Variants in UBA6 observed in about 807,000 individuals in gnomAD.
UBA6 encodes the protein ubiquitin like modifier activating enzyme 6.
Under a neutral mutation model 148.3 loss-of-function variants are expected in UBA6, and 87 were observed. The observed-to-expected ratio is 0.59, with a 90% confidence interval of 0.49 to 0.70. The LOEUF (loss-of-function observed/expected upper bound fraction) is 0.70. Ranked by LOEUF, UBA6 falls within the 30% of genes least tolerant of loss-of-function variation. UBA6 has a pLI of 0.00. For missense variants in UBA6, 1,186 were observed against 1,241.2 expected (o/e 0.96, Z 0.67); for synonymous variants, 376 against 401.0 (o/e 0.94, Z 0.75).
chr4:67,660,734 A>G (rs1174548688), intron 13 of UBA6, among the ~76,000 whole-genome samples: 3 of 152,204 alleles, frequency 2.0e-5, no homozygotes, highest in Admixed American at 6.5e-5. Flanking sequence ...AGAGTGCCAC[A>G]GTCCTCCAGA....
chr4:67,640,749 C>T (rs138056736), intron 18 of UBA6, among the ~76,000 whole-genome samples: 10 of 152,144 alleles, frequency 6.6e-5, no homozygotes, highest in East Asian at 1.9e-4. Context: ...GTTGGTCAAA[C>T]GATCAAAAGA....
Position 67,616,130 on chromosome 4 carries a change from T to G in UBA6, c.*2867A>C. Reference sequence around the variant, plus strand: ...TGAACACATATTATCAATGGATACTTAACTCTGATCCTCAAGAGCTCAACT... The same window carrying G: ...TGAACACATATTATCAATGGATACTGAACTCTGATCCTCAAGAGCTCAACT... On this transcript the variant is annotated 3_prime_UTR_variant, in exon 33 of 33. Coordinates refer to ENST00000322244, the MANE Select transcript of UBA6 (RefSeq NM_018227.6). 1 of 396,764 alleles carries G rather than the reference T, an allele frequency of 2.5e-6. No individual in the cohort carries two copies. The highest frequency in any genetic ancestry group is 2.1e-5 in the African/African-American group (1 of 48,602). 24.6% of individuals were successfully genotyped at this position (396,764 alleles called of 1,614,324 possible). A position where few individuals can be genotyped will look rare whatever the true frequency, so the allele number is the denominator to read the frequency against.
Position 67,645,968 on chromosome 4 carries a change from A to AC in UBA6, c.1364dup (p.Cys455TrpfsTer20). Reference sequence around the variant, plus strand: ...AGATGTTTAAATTTTGCAGTTTCTGACACAAAGTGTCTCCAATGCAAGCTC... The same window carrying AC: ...AGATGTTTAAATTTTGCAGTTTCTGACCACAAAGTGTCTCCAATGCAAGCTC... On this transcript the variant is annotated frameshift_variant, in exon 16 of 33. Transcript: ENST00000322244. LOFTEE classifies it high-confidence loss of function. 1 of 1,600,716 alleles carries AC rather than the reference A, an allele frequency of 6.2e-7. No homozygotes were observed. The highest frequency in any genetic ancestry group is 8.5e-7 in the Non-Finnish European group (1 of 1,172,498).
intron 13 of UBA6, among the ~76,000 whole-genome samples, chr4:67,660,386 C>T (rs370792218): frequency 7.2e-5 from 11 of 152,150 alleles, no homozygotes; most frequent in African/African-American, 2.4e-4. Context: ...CAGGGCCTTG[C>T]TACTTTGTGC....
intron 2 of UBA6, among the ~76,000 whole-genome samples, chr4:67,694,693 G>C (rs757928648): frequency 2.2e-4 from 33 of 152,136 alleles, no homozygotes; most frequent in Admixed American, 1.2e-3. Context: ...CACTGTGCCT[G>C]GCCACATCTT....
At chr4:67,661,096 G>A (rs982684035) in intron 13 of UBA6, among the ~76,000 whole-genome samples, 7 of 152,156 alleles carry the variant, frequency 4.6e-5, no homozygotes, top group African/African-American at 1.7e-4. Context: ...ACTTGCTTCT[G>A]ATTTTACAGG....
Position 67,649,200 on chromosome 4 carries a change from A to G in UBA6, c.1116T>C (p.Asn372=), listed in dbSNP as rs761227596. ...AAGAGAGCCAATGCACAATGTCAGC[A>G]TTTACATCAGGCTAAAACAAAAGCC... is the stretch of plus-strand genomic sequence containing the variant. ...SETLEEKPDV[N]ADIVHWLSWT... is the part of the protein sequence containing the mutation. The change falls in exon 14 of 33, where the codon AAT becomes AAC. Residue 372 remains asparagine, a synonymous_variant. Transcript: ENST00000322244. The G allele has an allele frequency of 5.6e-6, 9 of 1,610,192 alleles. No individual in the cohort carries two copies. Among genetic ancestry groups the G allele is most frequent in the South Asian group, 4.5e-5 (4 of 89,814 alleles).
intron 32 of UBA6, among the ~76,000 whole-genome samples, chr4:67,620,697 T>C (rs1728731828): frequency 6.6e-6 from 1 of 152,208 alleles, no homozygotes; most frequent in Admixed American, 6.5e-5. Context: ...TGACCATGTA[T>C]GATAACAAAA....
At chr4:67,686,126 A>C (rs1353905103) in intron 2 of UBA6, among the ~76,000 whole-genome samples, 2 of 152,330 alleles carry the variant, frequency 1.3e-5, no homozygotes, top group East Asian at 3.9e-4. Flanking sequence ...ATGTAGCAGA[A>C]ATCCCTATCG....
intron 1 of UBA6, 73 bp downstream of exon 1, chr4:67,700,976 A>C (rs1730968006): frequency 1.3e-6 from 2 of 1,586,540 alleles, no homozygotes; most frequent in African/African-American, 2.7e-5. Flanking sequence ...AGCCCGCCGG[A>C]AAGAAAGAAG....
chr4:67,696,738 C>A (rs746066167), intron 1 of UBA6, 31 bp from the exon 2 acceptor site: 37 of 1,531,650 alleles, frequency 2.4e-5, no homozygotes, highest in Non-Finnish European at 3.1e-5. Flanking sequence ...ATTAAATATT[C>A]ACATTTTATA....
Position 67,619,071 on chromosome 4 carries a change from C to A in UBA6, c.3085G>T (p.Ala1029Ser). 1 of 1,612,304 alleles carries A rather than the reference C, an allele frequency of 6.2e-7. No homozygotes were observed. Among genetic ancestry groups the A allele is most frequent in the African/African-American group, 1.3e-5 (1 of 75,008 alleles). ...KKYVDLTVSF[A>S]PDIDGDEDLP... The stretch of plus-strand genomic sequence containing the variant: ...TCTTCATCTCCATCAATGTCTGGAG[C>A]AAATGACACAGTAAGATCCACATAT... Residue 1029 changes from alanine (A) to serine (S), a missense_variant, in exon 33 of 33, where the codon GCT (alanine) becomes TCT (serine). Ala to Ser is a moderately conservative substitution (Grantham distance 99). Transcript: ENST00000322244.
At chr4:67,642,285 T>A (rs893028959) in intron 17 of UBA6, among the ~76,000 whole-genome samples, 9 of 152,106 alleles carry the variant, frequency 5.9e-5, no homozygotes, top group African/African-American at 2.2e-4. Flanking sequence ...TATGTGGTTA[T>A]GCTCAAAATT....
intron 23 of UBA6, among the ~76,000 whole-genome samples, 161 bp downstream of exon 23, chr4:67,633,184 A>G (rs1252195313): frequency 2.0e-5 from 3 of 152,134 alleles, no homozygotes; most frequent in Non-Finnish European, 4.4e-5. Context: ...TTCTGAACAA[A>G]CTTCTTTTAG....
At chr4:67,657,292 C>T (rs968399809) in intron 13 of UBA6, among the ~76,000 whole-genome samples, 36 of 152,176 alleles carry the variant, frequency 2.4e-4, no homozygotes, top group African/African-American at 8.4e-4. Context: ...ATACTTTAAG[C>T]CTACAGTAAC....
chr4:67,680,771 C>T (rs1371348759), intron 4 of UBA6, among the ~76,000 whole-genome samples: 2 of 152,182 alleles, frequency 1.3e-5, no homozygotes, highest in Non-Finnish European at 2.9e-5. Flanking sequence ...TGTTAACACA[C>T]TCTCTTCTCC....
At chr4:67,664,028 A>G in intron 10 of UBA6, 81 bp from the exon 11 acceptor site, 1 of 1,118,098 alleles carries the variant, frequency 8.9e-7, no homozygotes, top group Middle Eastern at 2.1e-4. Flanking sequence ...TCAGTGCGCT[A>G]AAAACTAGGG....
intron 1 of UBA6, among the ~76,000 whole-genome samples, 184 bp from the exon 2 acceptor site, chr4:67,696,891 T>C (rs1169619774): frequency 1.3e-5 from 2 of 152,234 alleles, no homozygotes; most frequent in Non-Finnish European, 1.5e-5. Flanking sequence ...TGTTCTATCC[T>C]GTGTAAATTT....
chr4:67,616,074 TA>T lies in UBA6; in HGVS notation c.*2922del, dbSNP rs1728620289. ...TTTTTGAAAAATATATATTTCTCAA[TA>T]AAAAAACAAAGTTATGACATAGAGC... On this transcript the variant is annotated 3_prime_UTR_variant, in exon 33 of 33. Coordinates refer to ENST00000322244, the MANE Select transcript of UBA6 (RefSeq NM_018227.6). 1 of 393,954 alleles carries T rather than the reference TA, an allele frequency of 2.5e-6. No individual in the cohort carries two copies. Among genetic ancestry groups the T allele is most frequent in the African/African-American group, 2.1e-5 (1 of 48,426 alleles). 24.4% of individuals were successfully genotyped at this position (393,954 alleles called of 1,614,324 possible). A position where few individuals can be genotyped will look rare whatever the true frequency, so the allele number is the denominator to read the frequency against.
Sources: gnomAD v4.1 joint callset for allele counts (sites outside exome capture counted in the v4.1 genomes callset) on GRCh38, gnomAD v4.1.1 for gene constraint, MANE v1.5 for transcripts, NCBI Gene and HGNC (gene_info 2026-07-23, HGNC 2026-07-21) for gene names.